The following SEMA3A variants were observed in gnomAD, a reference collection of about 807,000 sequenced individuals.
The protein encoded by SEMA3A is semaphorin-3A.
Under a neutral mutation model 97.9 loss-of-function variants are expected in SEMA3A, and 29 were observed. That is an observed-to-expected ratio of 0.30 (90% CI 0.22 to 0.40). The LOEUF (loss-of-function observed/expected upper bound fraction) is 0.40, where lower values mean the gene tolerates loss of function less well. Ranked by LOEUF, SEMA3A falls within the 10% of genes least tolerant of loss-of-function variation. The pLI is 1.00. For missense variants in SEMA3A, 763 were observed against 951.3 expected, an observed-to-expected ratio of 0.80 and a Z score of 2.60; for synonymous variants, 321 against 323.7, an observed-to-expected ratio of 0.99 and a Z score of 0.09.
At position 83,963,303 on chromosome 7, in the gene SEMA3A, C is replaced by G. The variant is rs754942801; in HGVS notation, c.1762G>C (p.Val588Leu). 1 of 1,613,766 alleles carries G rather than the reference C, an allele frequency of 6.2e-7. No homozygotes were observed. Among genetic ancestry groups the G allele is most frequent in the Non-Finnish European group, 8.5e-7 (1 of 1,179,966 alleles). ...HSPEERIIYG[V>L]ENSSTFLECS... is the part of the protein sequence containing the mutation. ...TCCAAAAATGTGCTACTATTCTCTACACCATAGATGATTCTCTCTTCAGGG... is the reference window on the plus strand; with the variant it reads ...TCCAAAAATGTGCTACTATTCTCTAGACCATAGATGATTCTCTCTTCAGGG... The change falls in exon 16 of 17, where the codon GTA becomes CTA. Residue 588 changes from valine to leucine, a missense_variant. Val to Leu is a conservative substitution (Grantham distance 32). Transcript: ENST00000265362.
At chr7:84,329,163 A>G (rs137896814) in intron 2 of SEMA3A, among the ~76,000 whole-genome samples, 2,231 of 152,048 alleles carry the variant, frequency 0.015, 23 homozygotes, top group Non-Finnish European at 0.023. Flanking sequence ...GGGGTAAGAG[A>G]AATCAATGAC....
intron 3 of SEMA3A, among the ~76,000 whole-genome samples, chr7:84,263,578 C>T (rs889187046): frequency 6.6e-6 from 1 of 152,180 alleles, no homozygotes; most frequent in Non-Finnish European, 1.5e-5. Flanking sequence ...ATAAATCATT[C>T]GCAACATGTC....
intron 1 of SEMA3A, among the ~76,000 whole-genome samples, chr7:84,139,182 T>C (rs1259518531): frequency 1.3e-5 from 2 of 152,154 alleles, no homozygotes; most frequent in Non-Finnish European, 2.9e-5. Flanking sequence ...ATCTTGCCTA[T>C]GCTCATATTC....
intron 1 of SEMA3A, among the ~76,000 whole-genome samples, chr7:84,449,781 C>T (rs575888405): frequency 6.6e-6 from 1 of 152,254 alleles, no homozygotes; most frequent in East Asian, 1.9e-4. Flanking sequence ...CCACTGTCTG[C>T]TTCTGTGAGT....
chr7:84,455,860 CA>C (rs1805673005), intron 1 of SEMA3A, among the ~76,000 whole-genome samples: 1 of 151,804 alleles, frequency 6.6e-6, no homozygotes, highest in African/African-American at 2.4e-5. Flanking sequence ...GTGTAGTAAC[CA>C]AATACTCTAA....
chr7:84,131,829 A>G (rs1416871575), intron 2 of SEMA3A, among the ~76,000 whole-genome samples: 1 of 151,892 alleles, frequency 6.6e-6, no homozygotes, highest in Non-Finnish European at 1.5e-5. Context: ...GTCTCACTCT[A>G]TTGCCCAGGC....
chr7:84,180,033 A>C (rs1584090671), intron 1 of SEMA3A, among the ~76,000 whole-genome samples: 2 of 127,000 alleles, frequency 1.6e-5, no homozygotes, highest in Admixed American at 9.0e-5. Flanking sequence ...CACAACCTCC[A>C]CCTCCCGGGT....
intron 1 of SEMA3A, among the ~76,000 whole-genome samples, chr7:84,384,878 T>C (rs78954307): frequency 0.026 from 3,902 of 152,162 alleles, 158 homozygotes; most frequent in African/African-American, 0.088. Flanking sequence ...CAGTCTGCAA[T>C]TCATCTACAA....
At chr7:84,088,738 T>G (rs894590890) in intron 4 of SEMA3A, among the ~76,000 whole-genome samples, 1 of 152,110 alleles carries the variant, frequency 6.6e-6, no homozygotes, top group Admixed American at 6.6e-5. Flanking sequence ...TCCACCTTCC[T>G]GCCTAACATT....
chr7:84,197,730 CTTTTTTT>C (rs139403623), upstream of SEMA3A, among the ~76,000 whole-genome samples: 2 of 69,344 alleles, frequency 2.9e-5, no homozygotes, highest in Non-Finnish European at 5.2e-5. Context: ...AAAGATCACT[CTTTTTTT>C]TTTTTTTTTT....
intron 4 of SEMA3A, among the ~76,000 whole-genome samples, chr7:84,076,091 C>T (rs12669854): frequency 0.13 from 19,212 of 152,054 alleles, 1,282 homozygotes; most frequent in South Asian, 0.15. Context: ...GAAGCATATG[C>T]AAAACCTATA....
At chr7:83,991,381 C>A (rs894659415) in intron 12 of SEMA3A, among the ~76,000 whole-genome samples, 3 of 151,604 alleles carry the variant, frequency 2.0e-5, no homozygotes, top group African/African-American at 4.8e-5. Context: ...TGAGAGAGGG[C>A]ATCCCTGTCT....
rs1376626200 is a variant in SEMA3A, at chr7:83,956,219, A to C, written c.*5152T>G. Reference sequence around the variant, plus strand: ...CACATTTTAATGCTATCTTTGCTGAAGTCTTGTTTGTGAGCCACCTTGCTT... The same window carrying C: ...CACATTTTAATGCTATCTTTGCTGACGTCTTGTTTGTGAGCCACCTTGCTT... On this transcript the variant is annotated 3_prime_UTR_variant, in exon 17 of 17. Coordinates refer to ENST00000265362, the MANE Select transcript of SEMA3A (RefSeq NM_006080.3). 2 of 152,104 alleles carry C rather than the reference A, an allele frequency of 1.3e-5. No homozygotes were observed. Among genetic ancestry groups the C allele is most frequent in the South Asian group, 4.1e-4 (2 of 4,830 alleles). The allele number at this position is 152,104 out of a possible 1,614,324, so 9.4% of individuals were successfully genotyped here.
chr7:84,097,901 C>A (rs1414288934), intron 4 of SEMA3A, among the ~76,000 whole-genome samples: 3 of 152,008 alleles, frequency 2.0e-5, no homozygotes, highest in African/African-American at 7.2e-5. Flanking sequence ...AGATATATTT[C>A]TCCAAATACA....
chr7:84,353,014 A>G (rs773711392), intron 2 of SEMA3A, among the ~76,000 whole-genome samples: 10 of 151,842 alleles, frequency 6.6e-5, no homozygotes, highest in Non-Finnish European at 1.3e-4. Context: ...CAAGGATAAC[A>G]AAGTCCACAG....
At chr7:84,105,468 C>T (rs566306014) in intron 4 of SEMA3A, among the ~76,000 whole-genome samples, 1 of 152,152 alleles carries the variant, frequency 6.6e-6, no homozygotes, top group Admixed American at 6.5e-5. Flanking sequence ...TGGAAATGAC[C>T]TTAGAGATAG....
At chr7:84,339,066 T>C (rs1802100513) in intron 2 of SEMA3A, among the ~76,000 whole-genome samples, 1 of 152,172 alleles carries the variant, frequency 6.6e-6, no homozygotes, top group African/African-American at 2.4e-5. Flanking sequence ...ATTGCATCTG[T>C]AGTAATAATT....
At chr7:84,255,764 A>T (rs2115634520) in intron 3 of SEMA3A, among the ~76,000 whole-genome samples, 1 of 152,118 alleles carries the variant, frequency 6.6e-6, no homozygotes, top group Middle Eastern at 3.4e-3. Flanking sequence ...TACCAAAATC[A>T]CTTCCAAAAA....
intron 6 of SEMA3A, among the ~76,000 whole-genome samples, chr7:84,015,479 A>G (rs1051158314): frequency 7.2e-5 from 11 of 152,198 alleles, no homozygotes; most frequent in African/African-American, 2.7e-4. Context: ...AAAATATGTA[A>G]TAGCTTCATA....
Sources: gnomAD v4.1 joint callset for allele counts (sites outside exome capture counted in the v4.1 genomes callset) on GRCh38, gnomAD v4.1.1 for gene constraint, MANE v1.5 for transcripts, NCBI Gene and HGNC (gene_info 2026-07-23, HGNC 2026-07-21) for gene names.